The following SNX6 variants were observed in gnomAD, a reference collection of about 807,000 sequenced individuals.
The protein encoded by SNX6 is sorting nexin 6, also known as sorting nexin-6.
SNX6 carries 34 observed loss-of-function variants against 63.0 expected under a neutral mutation model. The ratio of observed to expected loss-of-function variants is 0.54; its 90% CI spans 0.41 to 0.72. SNX6 has a LOEUF of 0.72. Ranked by LOEUF, SNX6 falls within the 30% of genes least tolerant of loss-of-function variation. SNX6 has a pLI of 0.00. For synonymous variants in SNX6, 170 were observed against 164.2 expected (o/e 1.04, Z -0.27); for missense variants, 398 against 471.4 (o/e 0.84, Z 1.44).
chr14:34,571,267 A>G (rs1177449208), intron 11 of SNX6, among the ~76,000 whole-genome samples: 1 of 151,542 alleles, frequency 6.6e-6, no homozygotes, highest in African/African-American at 2.4e-5. Flanking sequence ...CCCCGTCTGT[A>G]CTAAAAATAC....
intron 7 of SNX6, 69 bp downstream of exon 7, chr14:34,597,480 GA>G: frequency 1.1e-6 from 1 of 935,864 alleles, no homozygotes; most frequent in South Asian, 1.4e-5. Context: ...CTGCACATTT[GA>G]AATCTCAATC....
chr14:34,596,667 GA>G (rs1350202983), intron 7 of SNX6, among the ~76,000 whole-genome samples: 2 of 149,946 alleles, frequency 1.3e-5, no homozygotes, highest in African/African-American at 2.4e-5. Flanking sequence ...CTGAGATCCA[GA>G]AAAAGAAAAG....
At chr14:34,575,930 G>C in intron 10 of SNX6, 88 bp from the exon 11 acceptor site, 1 of 523,970 alleles carries the variant, frequency 1.9e-6, no homozygotes, top group South Asian at 2.2e-5. Flanking sequence ...TTGTTTTTTT[G>C]TTTTTTTTTT....
At chr14:34,624,268 T>A (rs1025020406) in intron 2 of SNX6, among the ~76,000 whole-genome samples, 1 of 152,028 alleles carries the variant, frequency 6.6e-6, no homozygotes. Context: ...GCCCGGCTAA[T>A]TTTTGTATTT....
At chr14:34,598,939 T>C (rs945608423) in intron 6 of SNX6, among the ~76,000 whole-genome samples, 10 of 152,130 alleles carry the variant, frequency 6.6e-5, no homozygotes, top group Admixed American at 3.3e-4. Flanking sequence ...GTCATGAGGG[T>C]AGAGCCTTCA....
In SNX6 at chr14:34,618,873, T is replaced by C. The variant is rs1232340269; in HGVS notation, c.55-9131A>G. Among the ~76,000 whole-genome samples the C allele has an allele frequency of 3.9e-5, 6 of 152,322 alleles. No individual in the cohort carries two copies. In the East Asian group the frequency reaches 7.7e-4, roughly 20 times the overall value. ...AAAAATCCCTACTCCTCCCTCATTT[T>C]TCTTCATAATGCCTATTCAAAACCT... On this transcript the variant is annotated intron_variant, in intron 2 of 13. Transcript: ENST00000362031.
intron 9 of SNX6, among the ~76,000 whole-genome samples, chr14:34,582,490 A>G (rs958430853): frequency 3.9e-5 from 6 of 151,992 alleles, no homozygotes; most frequent in African/African-American, 1.5e-4. Context: ...TACAGGTGTG[A>G]GCCAGAGTGC....
At chr14:34,585,642 C>T (rs927196742) in intron 9 of SNX6, among the ~76,000 whole-genome samples, 3 of 152,152 alleles carry the variant, frequency 2.0e-5, no homozygotes, top group Admixed American at 2.0e-4. Context: ...TGTCACCAGG[C>T]TGGAGTGCAG....
In SNX6 at chr14:34,565,282, G is replaced by T. The variant is rs184206055; in HGVS notation, c.1168-2107C>A. The stretch of plus-strand genomic sequence containing the variant: ...TTAGTAGAGACGGGGTTTCACCGTG[G>T]TAGCCAGGATGGTCTCGATCTCCTG... On this transcript the variant is annotated intron_variant, in intron 13 of 13. Coordinates refer to ENST00000362031, the MANE Select transcript of SNX6 (RefSeq NM_152233.4). Among the ~76,000 whole-genome samples, 539 of 151,568 alleles carry T rather than the reference G, an allele frequency of 3.6e-3. 2 individuals carry two copies. Among genetic ancestry groups the T allele is most frequent in the African/African-American group, 0.012 (491 of 41,362 alleles).
At chr14:34,610,078 T>C (rs1220028126) in intron 2 of SNX6, among the ~76,000 whole-genome samples, 1 of 151,864 alleles carries the variant, frequency 6.6e-6, no homozygotes, top group Non-Finnish European at 1.5e-5. Flanking sequence ...ATGTGATGGC[T>C]CATGTCTATA....
intron 1 of SNX6, 72 bp downstream of exon 1, chr14:34,630,039 G>A: frequency 1.4e-6 from 2 of 1,439,438 alleles, no homozygotes; most frequent in Non-Finnish European, 9.0e-7. Flanking sequence ...AGGCTGGCGC[G>A]GTCCCCGCGC....
chr14:34,619,750 C>T (rs772661733), intron 2 of SNX6, among the ~76,000 whole-genome samples: 2 of 152,134 alleles, frequency 1.3e-5, no homozygotes, highest in African/African-American at 2.4e-5. Context: ...TCCAGTCTGT[C>T]GGCACTCCCT....
chr14:34,588,736 T>G (rs1208026546), intron 8 of SNX6, among the ~76,000 whole-genome samples: 4 of 152,160 alleles, frequency 2.6e-5, no homozygotes, highest in African/African-American at 7.2e-5. Context: ...AAGATGCCAG[T>G]TCTCTCCAAA....
At position 34,608,021 on chromosome 14, in the gene SNX6, A is replaced by G. The variant is rs760125606; in HGVS notation, c.270+9T>C. ...GAAAATGGAATTAAAATGGAGTCTC[A>G]ATACTTACGATATAACCTGCATAGT... On this transcript the variant is annotated intron_variant, in intron 4 of 13. Coordinates refer to ENST00000362031, the MANE Select transcript of SNX6 (RefSeq NM_152233.4). 2 of 1,414,934 alleles carry G rather than the reference A, an allele frequency of 1.4e-6. No homozygotes were observed. The highest frequency in any genetic ancestry group is 2.3e-5 in the East Asian group (1 of 42,984). The allele number at this position is 1,414,934 out of a possible 1,614,324, so 87.6% of individuals were successfully genotyped here.
intron 9 of SNX6, among the ~76,000 whole-genome samples, 194 bp downstream of exon 9, chr14:34,586,036 G>C (rs1449598933): frequency 6.6e-6 from 1 of 152,062 alleles, no homozygotes; most frequent in African/African-American, 2.4e-5. Flanking sequence ...CTGAGTAGCT[G>C]GGATTACAGG....
intron 10 of SNX6, among the ~76,000 whole-genome samples, chr14:34,580,934 G>A (rs1289983727): frequency 1.3e-5 from 2 of 152,130 alleles, no homozygotes; most frequent in Non-Finnish European, 2.9e-5. Context: ...GGGATTACAA[G>A]CGTTAAGTCA....
At chr14:34,566,102 TA>T (rs1268484941) in intron 13 of SNX6, among the ~76,000 whole-genome samples, 1 of 150,798 alleles carries the variant, frequency 6.6e-6, no homozygotes, top group Non-Finnish European at 1.5e-5. Context: ...AGCCTCTCTT[TA>T]AAAAAAAAGA....
At position 34,629,913 on chromosome 14, in the gene SNX6, G is replaced by A. The variant is rs1883976231; in HGVS notation, c.48C>T (p.Asp16=). Residue 16 remains aspartate (D), a synonymous_variant, in exon 2 of 14, where the codon GAC becomes GAT. Transcript: ENST00000362031. Reference sequence around the variant, plus strand: ...AAAGGAAGGCAGAACTTACTCCGCGGTCCTCTTCTGAGAGGAAGTCCGGGC... The same window carrying A: ...AAAGGAAGGCAGAACTTACTCCGCGATCCTCTTCTGAGAGGAAGTCCGGGC... The part of the protein sequence containing the change: ...DDGPDFLSEE[D]RGLKAINVDL... 6.4e-7 allele frequency: 1 copy of A among 1,556,124 alleles called. No homozygotes were observed. The highest frequency in any genetic ancestry group is 8.7e-7 in the Non-Finnish European group (1 of 1,151,198).
intron 2 of SNX6, among the ~76,000 whole-genome samples, chr14:34,622,507 C>G: frequency 6.8e-6 from 1 of 148,002 alleles, no homozygotes; most frequent in Non-Finnish European, 1.5e-5. Flanking sequence ...GGCGTGAATC[C>G]GGGAGGCGGA....
Sources: allele counts gnomAD v4.1 joint callset (sites outside exome capture counted in the v4.1 genomes callset), GRCh38; gene constraint gnomAD v4.1.1; transcripts MANE v1.5; gene names NCBI Gene and HGNC (gene_info 2026-07-23, HGNC 2026-07-21).